The following GON4L variants were observed in gnomAD, a reference collection of about 807,000 sequenced individuals.
GON4L encodes gon-4 like.
GON4L carries 87 observed loss-of-function variants against 211.8 expected under a neutral mutation model. The ratio of observed to expected loss-of-function variants is 0.41; its 90% CI spans 0.35 to 0.49. The LOEUF is 0.49. Ranked by LOEUF, GON4L falls within the 20% of genes least tolerant of loss-of-function variation. The probability of loss-of-function intolerance (pLI) is 0.15; values close to 1 mark genes in which losing one functional copy is unlikely to be tolerated. For synonymous variants in GON4L, 875 were observed against 962.6 expected (o/e 0.91, Z 1.68); for missense variants, 2,155 against 2,659.5 (o/e 0.81, Z 4.17).
chr1:155,820,185 A>G (rs532602794), intron 6 of GON4L, among the ~76,000 whole-genome samples: 1 of 152,314 alleles, frequency 6.6e-6, no homozygotes, highest in East Asian at 1.9e-4. Context: ...AAGTGCTGGG[A>G]TTACAGGCAT....
At chr1:155,793,568 C>T (rs995422951) in intron 12 of GON4L, among the ~76,000 whole-genome samples, 10 of 152,078 alleles carry the variant, frequency 6.6e-5, no homozygotes, top group African/African-American at 2.4e-4. Flanking sequence ...AGAATTTCTT[C>T]AGGATGAAAT....
intron 3 of GON4L, among the ~76,000 whole-genome samples, chr1:155,823,581 C>T (rs1668913769): frequency 6.6e-6 from 1 of 152,104 alleles, no homozygotes; most frequent in South Asian, 2.1e-4. Context: ...AGAAAAATTA[C>T]GTGTCCATTT....
intron 12 of GON4L, among the ~76,000 whole-genome samples, chr1:155,786,274 AT>A (rs1172436055): frequency 2.0e-5 from 3 of 152,160 alleles, no homozygotes; most frequent in Non-Finnish European, 2.9e-5. Flanking sequence ...GAGCTAGATG[AT>A]TTTATAATTA....
At chr1:155,754,086 C>G (rs1247907670) in intron 28 of GON4L, 1 of 428,300 alleles carries the variant, frequency 2.3e-6, no homozygotes, top group Non-Finnish European at 4.3e-6. Context: ...CTTGTAGAGA[C>G]TATTTTCACG....
intron 16 of GON4L, among the ~76,000 whole-genome samples, chr1:155,775,820 T>C (rs907769251): frequency 1.3e-5 from 2 of 152,194 alleles, no homozygotes; most frequent in African/African-American, 4.8e-5. Flanking sequence ...GGTCTCACTC[T>C]GCTGCCCAGG....
chr1:155,752,622 G>C (rs755819192), intron 29 of GON4L, 32 bp from the exon 30 acceptor site: 80 of 1,559,818 alleles, frequency 5.1e-5, no homozygotes, highest in Admixed American at 1.9e-4. Context: ...TCAGGGTACT[G>C]TCAGGTTCAA....
At chr1:155,821,080 C>T (rs1340329199) in intron 5 of GON4L, among the ~76,000 whole-genome samples, 1 of 152,020 alleles carries the variant, frequency 6.6e-6, no homozygotes, top group Non-Finnish European at 1.5e-5. Context: ...TCCTGGCTAA[C>T]GTGGTGAAAC....
chr1:155,852,733 A>T (rs773793053), intron 2 of GON4L, among the ~76,000 whole-genome samples: 2 of 152,036 alleles, frequency 1.3e-5, no homozygotes, highest in African/African-American at 2.4e-5. Flanking sequence ...ACAGAGCGAG[A>T]CTCCGTCTCA....
intron 2 of GON4L, among the ~76,000 whole-genome samples, chr1:155,849,108 A>C (rs1437945075): frequency 2.9e-5 from 4 of 137,740 alleles, no homozygotes; most frequent in African/African-American, 1.1e-4. Flanking sequence ...AAATCATGCC[A>C]CTGCCCTCCA....
chr1:155,855,873 T>C (rs1027234352), intron 1 of GON4L, among the ~76,000 whole-genome samples: 2 of 150,980 alleles, frequency 1.3e-5, no homozygotes, highest in Non-Finnish European at 2.9e-5. Flanking sequence ...TCCCAGCTTC[T>C]TGGGAGGCTG....
At chr1:155,784,435 G>A (rs1406520188) in intron 13 of GON4L, 3 of 246,756 alleles carry the variant, frequency 1.2e-5, no homozygotes, top group East Asian at 1.2e-4. Flanking sequence ...GCCCAGGCTG[G>A]AGTGCAGTGG....
chr1:155,794,843 T>C (rs777564482), intron 12 of GON4L, among the ~76,000 whole-genome samples: 1 of 152,220 alleles, frequency 6.6e-6, no homozygotes, highest in Non-Finnish European at 1.5e-5. Flanking sequence ...AAGGACTGAA[T>C]ACACGACTGT....
rs201050850 is a variant in GON4L at position 155,804,972 on chromosome 1, A to C, written c.1622T>G (p.Met541Arg). 6.2e-6 allele frequency: 10 copies of C among 1,613,740 alleles called. No homozygotes were observed. Among genetic ancestry groups the C allele is most frequent in the Non-Finnish European group, 7.6e-6 (9 of 1,179,762 alleles). The change falls in exon 11 of 32, where the codon ATG (methionine) becomes AGG (arginine). Residue 541 changes from methionine to arginine, a missense_variant. This residue lies in a region of GON4L where 551 missense variants were observed against 854.0 expected (regional missense o/e 0.65). Coordinates refer to ENST00000368331, the MANE Select transcript of GON4L (RefSeq NM_001282860.2). ...EDWKMWLGGL[M>R]NDDVGNEDEA... ...ACCTTCATTCCCCACATCATCATTC[A>C]TAAGTCCCCCCAGCCACATCTTCCA...
intron 2 of GON4L, among the ~76,000 whole-genome samples, chr1:155,848,262 C>A (rs1671442215): frequency 6.6e-6 from 1 of 152,184 alleles, no homozygotes; most frequent in Non-Finnish European, 1.5e-5. Context: ...ACCTGCATAA[C>A]TCATACCCAA....
Position 155,785,348 on chromosome 1 carries a change from C to T in GON4L, c.1774G>A (p.Glu592Lys). 1 of 1,599,204 alleles carries T rather than the reference C, an allele frequency of 6.3e-7. No individual in the cohort carries two copies. The highest frequency in any genetic ancestry group is 1.1e-5 in the South Asian group (1 of 90,764). Residue 592 changes from glutamate (E) to lysine (K), a missense_variant, in exon 13 of 32, where the codon GAG becomes AAG. This residue lies in a region of GON4L where 551 missense variants were observed against 854.0 expected (regional missense o/e 0.65). Transcript: ENST00000368331. ...TCATTACTCACAGTTTCAAACAGCT[C>T]TTCCATCAGCTCATTTACTTCCTTT... is the stretch of plus-strand genomic sequence containing the variant. ...TKKEVNELME[E>K]LFETFQDEMG...
At chr1:155,771,688 G>A (rs968635207) in intron 18 of GON4L, among the ~76,000 whole-genome samples, 1 of 151,520 alleles carries the variant, frequency 6.6e-6, no homozygotes, top group Non-Finnish European at 1.5e-5. Flanking sequence ...ATGTTGCCTG[G>A]GCTAATCTTA....
intron 2 of GON4L, among the ~76,000 whole-genome samples, chr1:155,851,213 G>C (rs1418376939): frequency 6.6e-6 from 1 of 151,516 alleles, no homozygotes; most frequent in East Asian, 2.0e-4. Flanking sequence ...AATTAGCTGG[G>C]CATGGTGGCA....
intron 21 of GON4L, chr1:155,764,714 C>T (rs1213931365): frequency 1.2e-5 from 11 of 884,208 alleles, no homozygotes; most frequent in Middle Eastern, 3.4e-4. Flanking sequence ...GCTGGGACTA[C>T]AGGAGTGAGC....
intron 2 of GON4L, among the ~76,000 whole-genome samples, chr1:155,840,555 T>TA (rs1469075256): frequency 4.6e-5 from 7 of 152,162 alleles, no homozygotes; most frequent in African/African-American, 1.7e-4. Context: ...GCATTACCAC[T>TA]GCCAGCCCTT....
Sources: allele counts gnomAD v4.1 joint callset (sites outside exome capture counted in the v4.1 genomes callset), GRCh38; gene constraint gnomAD v4.1.1; regional missense constraint gnomAD v4.1.1; transcripts MANE v1.5; gene names NCBI Gene and HGNC (gene_info 2026-07-23, HGNC 2026-07-21).